BABAM2: variants seen among roughly 807,000 people sequenced by gnomAD.
BABAM2 encodes BRISC and BRCA1 A complex member 2, also known as BRISC and BRCA1-A complex member 2.
A neutral mutation model predicts 54.7 loss-of-function variants in BABAM2; 31 were observed. The observed-to-expected ratio is 0.57, with a 90% CI of 0.43 to 0.77. BABAM2 has a LOEUF of 0.77. Among genes scored for constraint, BABAM2 ranks in the 30% least tolerant of loss-of-function variants. BABAM2 has a pLI of 0.00. For missense variants in BABAM2, 364 were observed against 455.8 expected (o/e 0.80, Z 1.83); for synonymous variants, 167 against 162.9 (o/e 1.03, Z -0.19).
chr2:28,114,097 T>C (rs1274254280), intron 6 of BABAM2, among the ~76,000 whole-genome samples: 1 of 152,196 alleles, frequency 6.6e-6, no homozygotes, highest in Admixed American at 6.5e-5. Flanking sequence ...CAGCATTCCC[T>C]TTGAAAACTA....
intron 6 of BABAM2, among the ~76,000 whole-genome samples, chr2:28,116,191 T>C (rs1668599342): frequency 6.6e-6 from 1 of 152,090 alleles, no homozygotes; most frequent in Admixed American, 6.6e-5. Flanking sequence ...AGGAGGGCTT[T>C]TGAGGCTGGG....
At chr2:28,022,982 G>T (rs1183218548) in intron 4 of BABAM2, among the ~76,000 whole-genome samples, 2 of 152,214 alleles carry the variant, frequency 1.3e-5, no homozygotes, top group African/African-American at 4.8e-5. Flanking sequence ...AGTAAAAGTG[G>T]TCGTGTAGCA....
rs577738335 is a variant in BABAM2, at chr2:28,276,284, C to CT, written c.935-22051dup. The stretch of plus-strand genomic sequence containing the variant: ...TGACTAAGCAAGGGGTCGGTTGGTA[C>CT]TTTCTCTCAGAATTTTACAGATGTG... On this transcript the variant is annotated intron_variant, in intron 10 of 11. Transcript: ENST00000379624. 5.3e-4 allele frequency among the ~76,000 whole-genome samples: 80 copies of CT among 151,802 alleles called. 1 individual carries two copies. Among genetic ancestry groups the CT allele is most frequent in the African/African-American group, 1.8e-3 (72 of 41,136 alleles).
chr2:27,916,789 A>C (rs985223823), intron 2 of BABAM2, among the ~76,000 whole-genome samples: 4 of 152,166 alleles, frequency 2.6e-5, no homozygotes, highest in African/African-American at 9.7e-5. Context: ...ACCCAAGCTA[A>C]AAGTGGTTTC....
chr2:27,959,275 T>C (rs1396564643), intron 3 of BABAM2, among the ~76,000 whole-genome samples: 2 of 152,232 alleles, frequency 1.3e-5, no homozygotes, highest in Admixed American at 6.5e-5. Flanking sequence ...CTGCAAGTTT[T>C]AGACAGACAG....
chr2:28,029,511 T>C (rs1676142188), intron 5 of BABAM2, among the ~76,000 whole-genome samples: 1 of 152,234 alleles, frequency 6.6e-6, no homozygotes, highest in Non-Finnish European at 1.5e-5. Flanking sequence ...TTCATCAATG[T>C]TGTAGCATGT....
intron 6 of BABAM2, among the ~76,000 whole-genome samples, chr2:28,112,084 T>TC (rs1668075558): frequency 2.4e-4 from 1 of 4,100 alleles, no homozygotes. Flanking sequence ...TACCCATTAC[T>TC]CTTTCTTTCT....
intron 3 of BABAM2, among the ~76,000 whole-genome samples, chr2:27,953,098 T>C (rs1301096756): frequency 1.3e-5 from 2 of 152,200 alleles, no homozygotes; most frequent in Non-Finnish European, 2.9e-5. Context: ...CTTGGCTCAC[T>C]GCAGACTCGA....
At chr2:28,167,706 AAATAAAT>A (rs1558400413) in intron 7 of BABAM2, among the ~76,000 whole-genome samples, 2 of 65,452 alleles carry the variant, frequency 3.1e-5, no homozygotes, top group East Asian at 1.0e-3. Flanking sequence ...AAAAATAAAT[AAATAAAT>A]AAATAAATAA....
chr2:28,061,965 T>C (rs575733577), intron 6 of BABAM2, among the ~76,000 whole-genome samples: 1 of 151,898 alleles, frequency 6.6e-6, no homozygotes, highest in African/African-American at 2.4e-5. Context: ...TATAAACATT[T>C]CCAGGATTGT....
At chr2:27,990,633 A>G (rs528095211) in intron 4 of BABAM2, among the ~76,000 whole-genome samples, 2 of 152,198 alleles carry the variant, frequency 1.3e-5, no homozygotes, top group Admixed American at 6.5e-5. Flanking sequence ...CAGGTGTGGA[A>G]TTTCTTTGAA....
At chr2:28,275,548 C>T (rs1468165333) in intron 10 of BABAM2, among the ~76,000 whole-genome samples, 1 of 152,164 alleles carries the variant, frequency 6.6e-6, no homozygotes, top group Non-Finnish European at 1.5e-5. Flanking sequence ...GAAAGCTACA[C>T]AGTAAACGGG....
chr2:28,014,460 G>A (rs1411477283), intron 4 of BABAM2, among the ~76,000 whole-genome samples: 1 of 152,154 alleles, frequency 6.6e-6, no homozygotes, highest in Admixed American at 6.5e-5. Context: ...GACAGACACA[G>A]TTCCTAAGTA....
intron 7 of BABAM2, among the ~76,000 whole-genome samples, chr2:28,139,325 A>AC (rs1670832589): frequency 8.0e-6 from 1 of 125,040 alleles, no homozygotes; most frequent in Middle Eastern, 4.2e-3. Flanking sequence ...CCGTCTCAAA[A>AC]AAAAAAAAAA....
intron 6 of BABAM2, among the ~76,000 whole-genome samples, chr2:28,102,494 G>A (rs976864565): frequency 3.3e-5 from 5 of 152,144 alleles, no homozygotes; most frequent in Non-Finnish European, 1.5e-5. Flanking sequence ...TTAAGGAAAG[G>A]GCTAAGCTAC....
chr2:28,302,144 G>A (rs1456436169), intron 11 of BABAM2, among the ~76,000 whole-genome samples: 1 of 152,102 alleles, frequency 6.6e-6, no homozygotes, highest in East Asian at 1.9e-4. Context: ...GTGGCCGGGA[G>A]CAGTCATCAC....
At chr2:28,315,059 AG>A (rs1689407336) in intron 11 of BABAM2, among the ~76,000 whole-genome samples, 1 of 69,974 alleles carries the variant, frequency 1.4e-5, no homozygotes, top group Admixed American at 2.0e-4. Flanking sequence ...AGGGGAGGGG[AG>A]GGGAAAGGGG....
At chr2:28,070,551 C>CTTTTTTTTTTTTT (rs779324534) in intron 6 of BABAM2, among the ~76,000 whole-genome samples, 9 of 85,742 alleles carry the variant, frequency 1.0e-4, no homozygotes, top group African/African-American at 2.6e-4. Flanking sequence ...AAGTACTTTT[C>CTTTTTTTTTTTTT]TTTTCTTTTT....
At chr2:28,148,091 C>T (rs1558383533) in intron 7 of BABAM2, among the ~76,000 whole-genome samples, 1 of 152,182 alleles carries the variant, frequency 6.6e-6, no homozygotes, top group African/African-American at 2.4e-5. Context: ...TCTAGGAATG[C>T]CAGAAATACT....
Sources: allele counts gnomAD v4.1 joint callset (sites outside exome capture counted in the v4.1 genomes callset), GRCh38; gene constraint gnomAD v4.1.1; transcripts MANE v1.5; gene names NCBI Gene and HGNC (gene_info 2026-07-23, HGNC 2026-07-21).